Variants in XCR1 observed in about 807,000 individuals in gnomAD.
The protein encoded by XCR1 is X-C motif chemokine receptor 1.
For synonymous variants in XCR1, 187 were observed against 188.5 expected, an observed-to-expected ratio of 0.99 and a Z score of 0.06; for missense variants, 356 against 424.2, an observed-to-expected ratio of 0.84 and a Z score of 1.41.
intron 4 of XCR1, among the ~76,000 whole-genome samples, chr3:46,058,557 AT>A (rs111629890): frequency 0.12 from 17,701 of 152,096 alleles, 3,468 homozygotes; most frequent in African/African-American, 0.4. Context: ...TTCTGATTTT[AT>A]TTTATTTTAG....
chr3:46,056,685 C>T (rs1697858919), intron 4 of XCR1, among the ~76,000 whole-genome samples: 1 of 151,748 alleles, frequency 6.6e-6, no homozygotes, highest in South Asian at 2.1e-4. Context: ...TGGGGTTTCG[C>T]CATCTTGCTC....
At chr3:46,071,815 T>C (rs1003637351) in intron 3 of XCR1, among the ~76,000 whole-genome samples, 3 of 151,918 alleles carry the variant, frequency 2.0e-5, no homozygotes. Context: ...TACCATAAAA[T>C]AATAAAGCCC....
rs1008815918 is a variant in XCR1 at position 46,063,379 on chromosome 3, G to A, written c.-183+3520C>T. ...GGGCTGCTTGGCAGGGCACACAGCC[G>A]TGGGCAGAGGAACATGGTTACTTTC... On this transcript the variant is annotated intron_variant, in intron 4 of 5. Coordinates refer to the XCR1 transcript ENST00000683768. 9.8e-5 allele frequency among the ~76,000 whole-genome samples: 15 copies of A among 152,286 alleles called. 1 individual carries two copies. In the East Asian group the frequency reaches 1.4e-3, roughly 14 times the overall value.
At chr3:46,072,089 T>C (rs1698173399) in intron 3 of XCR1, among the ~76,000 whole-genome samples, 2 of 152,174 alleles carry the variant, frequency 1.3e-5, no homozygotes, top group Non-Finnish European at 2.9e-5. Context: ...AATAAATGAA[T>C]TCAGTAAAGT....
At chr3:46,065,907 C>T (rs1237919461) in intron 4 of XCR1, among the ~76,000 whole-genome samples, 2 of 152,228 alleles carry the variant, frequency 1.3e-5, no homozygotes, top group Non-Finnish European at 2.9e-5. Flanking sequence ...TTGCCTGCTC[C>T]AGGGCCTCCG....
intron 1 of XCR1, among the ~76,000 whole-genome samples, chr3:46,082,476 CTTTTTTT>C (rs61282576): frequency 1.0e-5 from 1 of 100,030 alleles, no homozygotes; most frequent in Non-Finnish European, 1.8e-5. Flanking sequence ...AATCAGGCTC[CTTTTTTT>C]TTTTTTTTTT....
intron 4 of XCR1, among the ~76,000 whole-genome samples, chr3:46,062,021 T>A (rs1177835279): frequency 6.6e-6 from 1 of 152,068 alleles, no homozygotes; most frequent in Non-Finnish European, 1.5e-5. Flanking sequence ...GGGAGTGCCA[T>A]AAGCTTTTGG....
At chr3:46,072,850 A>C (rs2125903089) in intron 3 of XCR1, among the ~76,000 whole-genome samples, 1 of 152,376 alleles carries the variant, frequency 6.6e-6, no homozygotes. Context: ...TGGAGGCATC[A>C]CATTATCTGA....
chr3:46,066,069 G>T (rs1698063995), intron 4 of XCR1, among the ~76,000 whole-genome samples: 1 of 152,168 alleles, frequency 6.6e-6, no homozygotes, highest in South Asian at 2.1e-4. Flanking sequence ...CAGCATTCCT[G>T]GTGGAGGGAG....
At chr3:46,078,543 G>C (rs1698302073) in intron 1 of XCR1, among the ~76,000 whole-genome samples, 1 of 152,198 alleles carries the variant, frequency 6.6e-6, no homozygotes, top group Non-Finnish European at 1.5e-5. Flanking sequence ...AAAGGGTAGG[G>C]GGAACAGCGT....
chr3:46,034,617 T>C (rs1233562199), intron 5 of XCR1, among the ~76,000 whole-genome samples: 1 of 152,190 alleles, frequency 6.6e-6, no homozygotes, highest in Non-Finnish European at 1.5e-5. Context: ...TAAATGTATG[T>C]GTACAAGTAT....
chr3:46,033,219 G>A (rs6790866), intron 5 of XCR1, among the ~76,000 whole-genome samples: 30,315 of 151,766 alleles, frequency 0.2, 4,432 homozygotes, highest in African/African-American at 0.4. Context: ...GAAAAAGAAG[G>A]CAAAAATTAA....
intron 4 of XCR1, among the ~76,000 whole-genome samples, chr3:46,054,554 G>GGA (rs1004514444): frequency 4.6e-5 from 7 of 151,808 alleles, no homozygotes; most frequent in African/African-American, 1.5e-4. Context: ...GACGAGGGGG[G>GGA]GGCGAGTGTG....
At chr3:46,080,183 T>TC (rs1553635962) in intron 1 of XCR1, among the ~76,000 whole-genome samples, 1 of 99,768 alleles carries the variant, frequency 1.0e-5, no homozygotes, top group African/African-American at 7.6e-5. Flanking sequence ...AGTCCTTGTC[T>TC]CAAAAAAAAA....
chr3:46,077,058 A>G (rs1698272377), intron 1 of XCR1, among the ~76,000 whole-genome samples: 1 of 152,208 alleles, frequency 6.6e-6, no homozygotes, highest in Non-Finnish European at 1.5e-5. Context: ...TCTTGAAGCC[A>G]CTTGCTGTGG....
At chr3:46,052,436 C>G (rs1172182596) in intron 5 of XCR1, among the ~76,000 whole-genome samples, 1 of 152,182 alleles carries the variant, frequency 6.6e-6, no homozygotes, top group Non-Finnish European at 1.5e-5. Flanking sequence ...CAGTGATTTC[C>G]TTTGTTATAG....
At chr3:46,049,965 G>A (rs1697708301) in intron 5 of XCR1, among the ~76,000 whole-genome samples, 1 of 152,164 alleles carries the variant, frequency 6.6e-6, no homozygotes, top group Non-Finnish European at 1.5e-5. Flanking sequence ...TATCCCATAA[G>A]CATTCTTGAC....
chr3:46,044,740 C>T (rs924137276), intron 5 of XCR1, among the ~76,000 whole-genome samples: 4 of 152,024 alleles, frequency 2.6e-5, no homozygotes, highest in Non-Finnish European at 5.9e-5. Flanking sequence ...CCTGCAAATC[C>T]GATAACTTAG....
intron 4 of XCR1, among the ~76,000 whole-genome samples, chr3:46,065,590 C>T (rs1352375606): frequency 1.3e-5 from 2 of 152,338 alleles, no homozygotes; most frequent in East Asian, 3.9e-4. Context: ...GCTCTGCTCA[C>T]CCAACCACAC....
Sources: allele counts gnomAD v4.1 joint callset (sites outside exome capture counted in the v4.1 genomes callset), GRCh38; gene constraint gnomAD v4.1.1; transcripts MANE v1.5; gene names NCBI Gene and HGNC (gene_info 2026-07-23, HGNC 2026-07-21).